INPP5F: variants seen among roughly 807,000 people sequenced by gnomAD.
INPP5F encodes the protein phosphatidylinositide 4-phosphatase SAC2.
In INPP5F, 97 loss-of-function variants were observed where a neutral mutation model predicts 137.2. That is an observed-to-expected ratio of 0.71 (90% CI 0.60 to 0.84). INPP5F has a LOEUF of 0.84. Among genes scored for constraint, INPP5F ranks in the 40% least tolerant of loss-of-function variants. The probability of loss-of-function intolerance (pLI) is 0.00; values close to 1 mark genes in which losing one functional copy is unlikely to be tolerated. For synonymous variants in INPP5F, 504 were observed against 476.9 expected, an observed-to-expected ratio of 1.06 and a Z score of -0.74; for missense variants, 1,271 against 1,371.9, an observed-to-expected ratio of 0.93 and a Z score of 1.16.
chr10:119,825,161 G>A (rs1212289489), intron 19 of INPP5F, among the ~76,000 whole-genome samples: 1 of 152,102 alleles, frequency 6.6e-6, no homozygotes, highest in African/African-American at 2.4e-5. Flanking sequence ...CAAGAATTTT[G>A]GTTGCTAAGC....
At chr10:119,822,533 C>G in intron 17 of INPP5F, 29 bp downstream of exon 17, 1 of 1,091,736 alleles carries the variant, frequency 9.2e-7, no homozygotes, top group Non-Finnish European at 1.4e-6. Context: ...ATCAAGTCAT[C>G]AAAAGCAAAT....
chr10:119,804,620 T>C (rs1158328707), intron 10 of INPP5F, among the ~76,000 whole-genome samples: 2 of 151,954 alleles, frequency 1.3e-5, no homozygotes, highest in Non-Finnish European at 2.9e-5. Flanking sequence ...GCAGAAGTAA[T>C]AGAATTTCCT....
At chr10:119,819,106 C>A (rs1851426817) in intron 15 of INPP5F, 1 of 155,202 alleles carries the variant, frequency 6.4e-6, no homozygotes, top group Admixed American at 6.4e-5. Context: ...AGGGCTTGCC[C>A]CAGTGGCGGG....
At chr10:119,805,322 A>G (rs1850730412) in intron 10 of INPP5F, 62 bp from the exon 11 acceptor site, 1 of 1,325,928 alleles carries the variant, frequency 7.5e-7, no homozygotes, top group Non-Finnish European at 1.1e-6. Context: ...AGCATATCTT[A>G]AGTTTTAAAA....
chr10:119,743,518 G>C (rs532161066), intron 1 of INPP5F, among the ~76,000 whole-genome samples: 1 of 152,104 alleles, frequency 6.6e-6, no homozygotes, highest in Admixed American at 6.5e-5. Context: ...GGGTGGAGTG[G>C]GGAATGTGTC....
At position 119,794,806 on chromosome 10, in the gene INPP5F, ACCTC is replaced by A. The variant is rs1218099470; in HGVS notation, c.670-1898_670-1895del. Among the ~76,000 whole-genome samples, 85 of 66,738 alleles carry A rather than the reference ACCTC, an allele frequency of 1.3e-3. 1 individual carries two copies. The highest frequency in any genetic ancestry group is 2.2e-3 in the Non-Finnish European group (68 of 31,186). The allele number at this position is 66,738 out of a possible 152,430, so 43.8% of individuals were successfully genotyped here. Reference sequence around the variant, plus strand: ...GGCCGGGCGGGGGGCTGACCCCCCCACCTCCCTCCCTCCCAGAAGGGGCGGCTGG... The same window carrying A: ...GGCCGGGCGGGGGGCTGACCCCCCCACCTCCCTCCCAGAAGGGGCGGCTGG... On this transcript the variant is annotated intron_variant, in intron 6 of 19. Transcript: ENST00000650623.
intron 15 of INPP5F, among the ~76,000 whole-genome samples, chr10:119,813,967 T>C (rs1035634306): frequency 6.6e-6 from 1 of 152,214 alleles, no homozygotes; most frequent in Non-Finnish European, 1.5e-5. Context: ...TCTTTTTTTT[T>C]CCTGATTTTT....
intron 2 of INPP5F, among the ~76,000 whole-genome samples, chr10:119,772,775 G>A (rs1849404820): frequency 6.6e-6 from 1 of 151,412 alleles, no homozygotes; most frequent in African/African-American, 2.4e-5. Flanking sequence ...ATGGAATCTC[G>A]CTCTGTAGCC....
intron 15 of INPP5F, among the ~76,000 whole-genome samples, chr10:119,817,819 ATT>A (rs1170722894): frequency 6.6e-6 from 1 of 152,144 alleles, no homozygotes; most frequent in East Asian, 1.9e-4. Context: ...TATTTATCAT[ATT>A]TTTGCATTAA....
At chr10:119,810,272 A>G in intron 14 of INPP5F, 55 bp downstream of exon 14, 1 of 911,978 alleles carries the variant, frequency 1.1e-6, no homozygotes, top group Admixed American at 2.0e-5. Context: ...TGTGACTAAT[A>G]TTTTACAGAA....
At chr10:119,750,571 G>A (rs1049264653) in intron 1 of INPP5F, among the ~76,000 whole-genome samples, 3 of 152,174 alleles carry the variant, frequency 2.0e-5, no homozygotes, top group South Asian at 2.1e-4. Flanking sequence ...GCACTCAAAC[G>A]GAAACAGTTC....
At chr10:119,773,003 C>G (rs761525265) in intron 2 of INPP5F, among the ~76,000 whole-genome samples, 1 of 152,068 alleles carries the variant, frequency 6.6e-6, no homozygotes, top group Admixed American at 6.6e-5. Context: ...TTGCCTTGGC[C>G]TCCCAAAGTG....
chr10:119,729,727 G>A (rs1376217637), intron 1 of INPP5F, among the ~76,000 whole-genome samples: 1 of 150,672 alleles, frequency 6.6e-6, no homozygotes, highest in Non-Finnish European at 1.5e-5. Flanking sequence ...ACATGTGTGT[G>A]CTACCACACC....
chr10:119,802,815 G>A (rs1850638965), intron 9 of INPP5F, among the ~76,000 whole-genome samples: 1 of 152,110 alleles, frequency 6.6e-6, no homozygotes, highest in Non-Finnish European at 1.5e-5. Flanking sequence ...AAAAAAAATT[G>A]TTTTAAAGCA....
chr10:119,770,892 T>C (rs1849313869), intron 2 of INPP5F, among the ~76,000 whole-genome samples: 1 of 152,224 alleles, frequency 6.6e-6, no homozygotes, highest in Non-Finnish European at 1.5e-5. Context: ...ACAAGTTCTT[T>C]TGTTCTTCAG....
At position 119,799,186 on chromosome 10, in the gene INPP5F, A is replaced by G. The variant is rs1465723735; in HGVS notation, c.1116+576A>G. ...ACTGAAAACTGGTAGGTGAGATACAAGTTCAATGATTTTGATACAAGATGA... is the reference window on the plus strand; with the variant it reads ...ACTGAAAACTGGTAGGTGAGATACAGGTTCAATGATTTTGATACAAGATGA... On this transcript the variant is annotated intron_variant, in intron 9 of 19. Transcript: ENST00000650623. The G allele has an allele frequency of 3.0e-5, 7 of 232,204 alleles. No individual in the cohort carries two copies. The South Asian group carries it at 3.5e-4, about 12-fold the overall frequency. The allele number at this position is 232,204 out of a possible 1,614,324, so 14.4% of individuals were successfully genotyped here.
intron 1 of INPP5F, among the ~76,000 whole-genome samples, chr10:119,738,185 C>T (rs1270201062): frequency 2.0e-5 from 3 of 152,132 alleles, no homozygotes; most frequent in African/African-American, 4.8e-5. Context: ...ATACTTATGA[C>T]TTAGGGTGTA....
At chr10:119,765,414 C>T (rs752609502) in intron 2 of INPP5F, among the ~76,000 whole-genome samples, 5 of 152,064 alleles carry the variant, frequency 3.3e-5, no homozygotes, top group African/African-American at 4.8e-5. Context: ...CTTTGTCACA[C>T]AGGCTGGAGT....
At chr10:119,745,119 G>A (rs183521450) in intron 1 of INPP5F, among the ~76,000 whole-genome samples, 107 of 152,076 alleles carry the variant, frequency 7.0e-4, no homozygotes, top group African/African-American at 2.4e-3. Flanking sequence ...CCTTTCAGCT[G>A]CTGTATACGC....
Sources: allele counts gnomAD v4.1 joint callset (sites outside exome capture counted in the v4.1 genomes callset), GRCh38; gene constraint gnomAD v4.1.1; transcripts MANE v1.5; gene names NCBI Gene and HGNC (gene_info 2026-07-23, HGNC 2026-07-21).